Variants in PAAF1 observed in about 807,000 individuals in gnomAD.
PAAF1 encodes the protein proteasomal ATPase associated factor 1, also known as proteasomal ATPase-associated factor 1.
A neutral mutation model predicts 52.8 loss-of-function variants in PAAF1; 46 were observed. That is an observed-to-expected ratio of 0.87 (90% CI 0.69 to 1.11). The LOEUF is 1.11. PAAF1 is among the 50% of genes most tolerant of loss of function. PAAF1 has a pLI of 0.00. For synonymous variants in PAAF1, 178 were observed against 172.8 expected (o/e 1.03, Z -0.24); for missense variants, 424 against 477.4 (o/e 0.89, Z 1.04).
Position 73,929,125 on chromosome 11 carries a change from C to G in PAAF1, c.*1763C>G, listed in dbSNP as rs1950421731. The G allele has an allele frequency of 6.6e-6, 1 of 152,074 alleles. No homozygotes were observed. The highest frequency in any genetic ancestry group is 2.4e-5 in the African/African-American group (1 of 41,368). The allele number at this position is 152,074 out of a possible 1,614,324, so 9.4% of individuals were successfully genotyped here. A position where few individuals can be genotyped will look rare whatever the true frequency, so the allele number is the denominator to read the frequency against. Reference sequence around the variant, plus strand: ...GAATGCGTTGGCATGATTACAGCTTCTGCCTTAACCTCCTGGGCTCAAGCA... The same window carrying G: ...GAATGCGTTGGCATGATTACAGCTTGTGCCTTAACCTCCTGGGCTCAAGCA... On this transcript the variant is annotated 3_prime_UTR_variant, in exon 12 of 12. Coordinates refer to ENST00000310571, the MANE Select transcript of PAAF1 (RefSeq NM_025155.3).
At chr11:73,917,672 GA>G (rs1950102820) in intron 9 of PAAF1, among the ~76,000 whole-genome samples, 1 of 152,160 alleles carries the variant, frequency 6.6e-6, no homozygotes, top group South Asian at 2.1e-4. Context: ...AGGAGTTCAA[GA>G]CCAGCCTGGC....
chr11:73,909,597 A>G lies in PAAF1; in HGVS notation c.727+4A>G. 6.2e-7 allele frequency: 1 copy of G among 1,613,682 alleles called. No homozygotes were observed. Among genetic ancestry groups the G allele is most frequent in the Non-Finnish European group, 8.5e-7 (1 of 1,179,604 alleles). On this transcript the variant is annotated splice_donor_region_variant and intron_variant, in intron 7 of 11. Transcript: ENST00000310571. ...GGCTCCCCTGAGCAGATGCCCAGTAAGTTGATAATGATATGTAGCATTGTT... is the reference window on the plus strand; with the variant it reads ...GGCTCCCCTGAGCAGATGCCCAGTAGGTTGATAATGATATGTAGCATTGTT...
At chr11:73,917,870 CAAAA>C (rs755799652) in intron 9 of PAAF1, among the ~76,000 whole-genome samples, 2 of 105,378 alleles carry the variant, frequency 1.9e-5, no homozygotes. Context: ...GACTCTATCT[CAAAA>C]AAAAAAAAAA....
rs1365444502 is a variant in PAAF1, at chr11:73,900,410, T to A, written c.522T>A (p.Gly174=). The part of the protein sequence containing the change: ...EDASCVVTFK[G]HKGGILDTAI... The stretch of plus-strand genomic sequence containing the variant: ...CTAGCTGCGTGGTGACCTTCAAAGG[T>A]CACAAAGGAGGTATGAAGTGTGCTT... The change falls in exon 6 of 12, where the codon GGT becomes GGA. Residue 174 remains glycine, a synonymous_variant. Coordinates refer to ENST00000310571, the MANE Select transcript of PAAF1 (RefSeq NM_025155.3). 1 of 1,607,390 alleles carries A rather than the reference T, an allele frequency of 6.2e-7. No individual in the cohort carries two copies. Among genetic ancestry groups the A allele is most frequent in the African/African-American group, 1.3e-5 (1 of 74,686 alleles).
chr11:73,905,825 T>C (rs893242680), intron 6 of PAAF1, among the ~76,000 whole-genome samples: 2 of 152,160 alleles, frequency 1.3e-5, no homozygotes, highest in Non-Finnish European at 2.9e-5. Flanking sequence ...ATACATACTT[T>C]TCAGAATTTT....
Position 73,914,518 on chromosome 11 carries a change from A to G in PAAF1, c.819+14A>G. 1 of 1,613,154 alleles carries G rather than the reference A, an allele frequency of 6.2e-7. No individual in the cohort carries two copies. Among genetic ancestry groups the G allele is most frequent in the Non-Finnish European group, 8.5e-7 (1 of 1,179,254 alleles). On this transcript the variant is annotated intron_variant, in intron 8 of 11. Coordinates refer to ENST00000310571, the MANE Select transcript of PAAF1 (RefSeq NM_025155.3). ...AGCAGGCAGCTGGCAAGTGGTTCCT[A>G]TATGACCTTTGAACTCTGAGGCAAC...
intron 6 of PAAF1, among the ~76,000 whole-genome samples, chr11:73,905,579 C>T (rs1949733754): frequency 6.6e-6 from 1 of 152,024 alleles, no homozygotes; most frequent in Non-Finnish European, 1.5e-5. Flanking sequence ...TCCCACTTCT[C>T]TAGGCTCCTC....
In PAAF1 at chr11:73,918,959, A is replaced by T; in HGVS notation, c.945A>T (p.Val315=). The change falls in exon 10 of 12, where the codon GTA becomes GTT. Residue 315 remains valine (V), a synonymous_variant. Transcript: ENST00000310571. The stretch of plus-strand genomic sequence containing the variant: ...TTTCTCTGAATCCTAGGGCTCCGGT[A>T]CAAGTCATCCACAGATCAGGAGCAC... ...QLDVRSPRAP[V]QVIHRSGAPV... The T allele has an allele frequency of 6.2e-7, 1 of 1,612,844 alleles. No homozygotes were observed. The highest frequency in any genetic ancestry group is 8.5e-7 in the Non-Finnish European group (1 of 1,179,674).
intron 1 of PAAF1, 170 bp downstream of exon 1, chr11:73,877,238 C>A: frequency 1.7e-6 from 1 of 604,148 alleles, no homozygotes; most frequent in Non-Finnish European, 2.5e-6. Context: ...TATGGTCATT[C>A]TCTGAAAAGC....
chr11:73,906,930 A>G (rs1331139827), intron 6 of PAAF1, among the ~76,000 whole-genome samples: 2 of 152,314 alleles, frequency 1.3e-5, no homozygotes, highest in East Asian at 1.9e-4. Flanking sequence ...GCATCGTTAA[A>G]TGGGTTTTAA....
chr11:73,887,577 G>A (rs1454618675), intron 3 of PAAF1, 120 bp downstream of exon 3: 5 of 615,362 alleles, frequency 8.1e-6, no homozygotes, highest in African/African-American at 1.9e-5. Context: ...GAGAATCATA[G>A]TTTTTGCTGT....
chr11:73,890,773 A>G (rs889819477), intron 3 of PAAF1, among the ~76,000 whole-genome samples: 1 of 152,200 alleles, frequency 6.6e-6, no homozygotes, highest in Non-Finnish European at 1.5e-5. Context: ...CCCACTGCTA[A>G]TTGAGAGTAT....
intron 4 of PAAF1, among the ~76,000 whole-genome samples, chr11:73,892,114 G>A (rs71464091): frequency 0.057 from 8,625 of 151,994 alleles, 277 homozygotes; most frequent in Middle Eastern, 0.11. Flanking sequence ...CTTGAGCTCA[G>A]GAGTTCAAGA....
At chr11:73,924,724 TG>T in intron 11 of PAAF1, 27 bp downstream of exon 11, 10 of 1,581,222 alleles carry the variant, frequency 6.3e-6, no homozygotes, top group Non-Finnish European at 8.7e-6. Flanking sequence ...ACACCAGACC[TG>T]GGTGATTCTC....
intron 10 of PAAF1, among the ~76,000 whole-genome samples, chr11:73,922,733 C>A (rs1226547093): frequency 6.7e-6 from 1 of 148,966 alleles, no homozygotes; most frequent in African/African-American, 2.5e-5. Context: ...AGGAGAATGG[C>A]GTGAACCTGG....
intron 4 of PAAF1, among the ~76,000 whole-genome samples, chr11:73,897,597 A>C (rs1356912860): frequency 2.1e-5 from 3 of 140,976 alleles, no homozygotes; most frequent in Admixed American, 7.0e-5. Context: ...GGCGGCCGGG[A>C]AGAGGCGCTC....
chr11:73,924,533 C>T, intron 10 of PAAF1, 82 bp from the exon 11 acceptor site: 2 of 1,169,192 alleles, frequency 1.7e-6, no homozygotes, highest in South Asian at 2.6e-5. Flanking sequence ...TAGTGATCTA[C>T]AGAAGCAAAT....
chr11:73,921,876 A>T, intron 10 of PAAF1: 1 of 1,123,160 alleles, frequency 8.9e-7, no homozygotes, highest in Non-Finnish European at 1.3e-6. Flanking sequence ...GTTCTCCAGG[A>T]ATGGGAAAGT....
chr11:73,921,469 A>G (rs1358355061), intron 10 of PAAF1, among the ~76,000 whole-genome samples: 2 of 152,136 alleles, frequency 1.3e-5, no homozygotes, highest in Non-Finnish European at 2.9e-5. Flanking sequence ...GCTGCAGAAA[A>G]TTTCAAATCA....
Sources: gnomAD v4.1 joint callset for allele counts (sites outside exome capture counted in the v4.1 genomes callset) on GRCh38, gnomAD v4.1.1 for gene constraint, MANE v1.5 for transcripts, NCBI Gene and HGNC (gene_info 2026-07-23, HGNC 2026-07-21) for gene names.